ZNF57: variants seen among roughly 807,000 people sequenced by gnomAD.
ZNF57 encodes zinc finger protein 57, also known as zinc finger protein 424.
A neutral mutation model predicts 13.4 loss-of-function variants in ZNF57; 11 were observed. The observed-to-expected ratio is 0.82, with a 90% CI of 0.52 to 1.36. The LOEUF (loss-of-function observed/expected upper bound fraction) is 1.36. Among genes scored for constraint, ZNF57 ranks in the 40% most tolerant of loss-of-function variants. ZNF57 has a pLI of 0.00. For missense variants in ZNF57, 696 were observed against 667.5 expected (o/e 1.04, Z -0.47); for synonymous variants, 224 against 238.5 (o/e 0.94, Z 0.56).
intron 1 of ZNF57, among the ~76,000 whole-genome samples, chr19:2,908,417 C>T (rs2088095026): frequency 6.7e-6 from 1 of 150,180 alleles, no homozygotes; most frequent in Non-Finnish European, 1.5e-5. Context: ...ATAGAACGTA[C>T]AGCCATTTAA....
intron 1 of ZNF57, among the ~76,000 whole-genome samples, chr19:2,906,194 A>G (rs980227564): frequency 1.3e-5 from 2 of 152,220 alleles, no homozygotes; most frequent in Admixed American, 6.5e-5. Flanking sequence ...CTGGGACTGC[A>G]GATTCATGCC....
chr19:2,914,362 C>A (rs1206050172), intron 1 of ZNF57, among the ~76,000 whole-genome samples: 1 of 152,160 alleles, frequency 6.6e-6, no homozygotes. Context: ...TCAAGTGATT[C>A]TCCTGCCTCA....
rs1401138848 is a variant in ZNF57 at position 2,917,951 on chromosome 19, C to A, written c.1330C>A (p.Gln444Lys). ...TFREHVRIHT[Q>K]EQLHKCEHCG... ...TAGAGAACATGTGAGAATTCACACG[C>A]AAGAGCAGCTCCATAAATGTGAACA... Residue 444 changes from glutamine (Q) to lysine (K), a missense_variant, in exon 4 of 4, where the codon CAA (glutamine) becomes AAA (lysine). Physicochemically the swap from Gln to Lys is moderately conservative, Grantham distance 53. Coordinates refer to ENST00000306908, the MANE Select transcript of ZNF57 (RefSeq NM_173480.3). The A allele has an allele frequency of 6.2e-7, 1 of 1,611,980 alleles. No individual in the cohort carries two copies. The highest frequency in any genetic ancestry group is 2.2e-5 in the East Asian group (1 of 44,722).
In ZNF57 at chr19:2,901,005, C is replaced by G. The variant is rs1253885246; in HGVS notation, c.-41C>G. 6.4e-6 allele frequency: 10 copies of G among 1,553,376 alleles called. No homozygotes were observed. The African/African-American group carries it at 1.2e-4, about 19-fold the overall frequency. On this transcript the variant is annotated 5_prime_UTR_variant, in exon 1 of 4. Coordinates refer to ENST00000306908, the MANE Select transcript of ZNF57 (RefSeq NM_173480.3). ...CTTTCAGCTGCGCCGGCCGCGAGGCCACGGAGAGCTCGCCTTGGAGAGCCC... is the reference window on the plus strand; with the variant it reads ...CTTTCAGCTGCGCCGGCCGCGAGGCGACGGAGAGCTCGCCTTGGAGAGCCC...
In ZNF57 at chr19:2,917,752, A is replaced by G; in HGVS notation, c.1131A>G (p.Ser377=). Residue 377 remains serine, a synonymous_variant, in exon 4 of 4, where the codon TCA becomes TCG. Coordinates refer to ENST00000306908, the MANE Select transcript of ZNF57 (RefSeq NM_173480.3). ...KQCGKAFTWS[S]TFREHVRIHT... ...GTGGGAAAGCCTTCACTTGGTCCTC[A>G]ACGTTTAGAGAACATGTGAGAATTC... The G allele has an allele frequency of 6.2e-7, 1 of 1,613,692 alleles. No individual in the cohort carries two copies. The highest frequency in any genetic ancestry group is 1.7e-5 in the Admixed American group (1 of 59,980).
chr19:2,908,722 G>C (rs990928161), intron 1 of ZNF57, among the ~76,000 whole-genome samples: 1 of 151,932 alleles, frequency 6.6e-6, no homozygotes, highest in Non-Finnish European at 1.5e-5. Context: ...TACAGTCACA[G>C]AATCCTGCAA....
intron 1 of ZNF57, among the ~76,000 whole-genome samples, chr19:2,911,492 C>T (rs1481063503): frequency 6.6e-6 from 1 of 151,862 alleles, no homozygotes; most frequent in Non-Finnish European, 1.5e-5. Context: ...GAGATTGTGT[C>T]ATCGCACTCC....
intron 2 of ZNF57, 54 bp downstream of exon 2, chr19:2,915,702 A>T: frequency 6.2e-7 from 1 of 1,611,780 alleles, no homozygotes; most frequent in East Asian, 2.2e-5. Context: ...TTTCTTTCTC[A>T]TCAGTTCTGT....
At chr19:2,907,798 C>T (rs945530632) in intron 1 of ZNF57, among the ~76,000 whole-genome samples, 1 of 152,228 alleles carries the variant, frequency 6.6e-6, no homozygotes, top group Admixed American at 6.5e-5. Context: ...ACTGAAACCT[C>T]CTGGGCTCAA....
At chr19:2,902,502 G>A (rs1490462031) in intron 1 of ZNF57, among the ~76,000 whole-genome samples, 3 of 152,040 alleles carry the variant, frequency 2.0e-5, no homozygotes, top group Non-Finnish European at 2.9e-5. Context: ...GAAAGTGTGC[G>A]CAGTTCCACA....
chr19:2,909,689 T>C lies in ZNF57; in HGVS notation c.4-5833T>C, dbSNP rs1231448512. On this transcript the variant is annotated intron_variant, in intron 1 of 3. Coordinates refer to ENST00000306908, the MANE Select transcript of ZNF57 (RefSeq NM_173480.3). ...TCTTAAGGTCTTTAGCCTCCACACC[T>C]GGCTAATTTTTTCTTAATTTTAGAA... is the stretch of plus-strand genomic sequence containing the variant. Among the ~76,000 whole-genome samples the C allele has an allele frequency of 1.7e-4, 8 of 47,078 alleles. 3 individuals are homozygous for C. Among genetic ancestry groups the C allele is most frequent in the African/African-American group, 3.9e-4 (8 of 20,684 alleles). 30.9% of individuals were successfully genotyped at this position (47,078 alleles called of 152,430 possible).
chr19:2,914,482 C>T (rs1314371659), intron 1 of ZNF57, among the ~76,000 whole-genome samples: 4 of 151,940 alleles, frequency 2.6e-5, no homozygotes, highest in South Asian at 2.1e-4. Flanking sequence ...CTCAAACTCC[C>T]GACCTCAGGT....
rs2144937315 is a variant in ZNF57, at chr19:2,917,174, A to T, written c.553A>T (p.Ser185Cys). The T allele has an allele frequency of 3.1e-6, 5 of 1,614,226 alleles. No individual in the cohort carries two copies. In the East Asian group the frequency reaches 1.1e-4, roughly 36 times the overall value. Residue 185 changes from serine (S) to cysteine (C), a missense_variant, in exon 4 of 4, where the codon AGT becomes TGT. Ser to Cys is a moderately radical substitution (Grantham distance 112, BLOSUM62 -1). Coordinates refer to ENST00000306908, the MANE Select transcript of ZNF57 (RefSeq NM_173480.3). ...CTGCATTTGTCCCTCACACCTACAC[A>T]GTCACGGAAGAACTGACACTGAGGA... ...QACICPSHLH[S>C]HGRTDTEEKP...
intron 2 of ZNF57, 150 bp from the exon 3 acceptor site, chr19:2,915,928 C>G: frequency 1.0e-6 from 1 of 964,264 alleles, no homozygotes; most frequent in East Asian, 2.6e-5. Flanking sequence ...TGTTTGATAC[C>G]TGTGACTTAC....
At chr19:2,915,858 T>A in intron 2 of ZNF57, 1 of 948,728 alleles carries the variant, frequency 1.1e-6, no homozygotes, top group East Asian at 2.6e-5. Flanking sequence ...TGAAGTTCCT[T>A]TAGTGTCATT....
rs1458974527 is a variant in ZNF57 at position 2,915,539 on chromosome 19, G to A, written c.21G>A (p.Glu7=). 1 of 1,613,926 alleles carries A rather than the reference G, an allele frequency of 6.2e-7. No individual in the cohort carries two copies. The highest frequency in any genetic ancestry group is 1.7e-5 in the Admixed American group (1 of 60,008). The change falls in exon 2 of 4, where the codon GAG becomes GAA. Residue 7 remains glutamate (E), a synonymous_variant. Transcript: ENST00000306908. MDSVVF[E]DVAVDFTLEE... is the part of the protein sequence containing the mutation. ...TGTCTTAGGACTCAGTGGTCTTTGA[G>A]GATGTGGCTGTGGACTTCACCCTGG...
intron 1 of ZNF57, among the ~76,000 whole-genome samples, chr19:2,907,511 AT>A (rs1373012298): frequency 1.3e-5 from 2 of 152,076 alleles, no homozygotes; most frequent in Non-Finnish European, 2.9e-5. Context: ...CTTCAGTAGG[AT>A]TTTCATTATC....
intron 1 of ZNF57, among the ~76,000 whole-genome samples, chr19:2,906,827 G>C (rs1480029885): frequency 6.6e-6 from 1 of 152,176 alleles, no homozygotes; most frequent in Non-Finnish European, 1.5e-5. Context: ...CTGTGGACCC[G>C]TGAGTGTCAC....
In ZNF57 at chr19:2,917,449, A is replaced by G. The variant is rs1160064445; in HGVS notation, c.828A>G (p.Gly276=). The G allele has an allele frequency of 6.2e-7, 1 of 1,614,190 alleles. No homozygotes were observed. Among genetic ancestry groups the G allele is most frequent in the Non-Finnish European group, 8.5e-7 (1 of 1,180,030 alleles). The change falls in exon 4 of 4, where the codon GGA becomes GGG. Residue 276 remains glycine, a synonymous_variant. Coordinates refer to ENST00000306908, the MANE Select transcript of ZNF57 (RefSeq NM_173480.3). ...TFQRHMTTHT[G]EKPYKCQHCG... is the part of the protein sequence containing the mutation. ...AAAGACACATGACAACACACACTGG[A>G]GAGAAGCCCTATAAATGTCAGCACT...
Sources: allele counts gnomAD v4.1 joint callset (sites outside exome capture counted in the v4.1 genomes callset), GRCh38; gene constraint gnomAD v4.1.1; transcripts MANE v1.5; gene names NCBI Gene and HGNC (gene_info 2026-07-23, HGNC 2026-07-21).